Variants in TRAK1 observed in about 807,000 individuals in gnomAD.
TRAK1 encodes trafficking kinesin-binding protein 1.
TRAK1 carries 33 observed loss-of-function variants against 92.1 expected under a neutral mutation model. The observed-to-expected ratio is 0.36, with a 90% CI of 0.27 to 0.48. The LOEUF (loss-of-function observed/expected upper bound fraction) is 0.48, where lower values mean the gene tolerates loss of function less well. TRAK1 is among the 20% of genes least tolerant of loss of function. The pLI is 0.99. For missense variants in TRAK1, 1,123 were observed against 1,257.9 expected (o/e 0.89, Z 1.62); for synonymous variants, 521 against 517.3 (o/e 1.01, Z -0.10).
At chr3:42,222,901 A>C (rs3733053) in intron 15 of TRAK1, 41 bp from the exon 16 acceptor site, 4 of 1,582,096 alleles carry the variant, frequency 2.5e-6, no homozygotes, top group Non-Finnish European at 3.4e-6. Flanking sequence ...TCTGGAGCTC[A>C]TGGGCATTTC....
At chr3:42,159,421 A>G (rs1700990061) in intron 2 of TRAK1, among the ~76,000 whole-genome samples, 1 of 152,160 alleles carries the variant, frequency 6.6e-6, no homozygotes, top group African/African-American at 2.4e-5. Flanking sequence ...ACTGGGTTTG[A>G]TGGAAGAACC....
rs563665836 is a variant in TRAK1, at chr3:42,125,694, A to G, written c.286+80A>G. On this transcript the variant is annotated intron_variant, in intron 2 of 15. Transcript: ENST00000327628. ...GCCATGGCCCCAAATAAGATCTTGT[A>G]CTGGCTACCCTGTGATGTGGCTTGC... 37 of 1,502,394 alleles carry G rather than the reference A, an allele frequency of 2.5e-5. No homozygotes were observed. The East Asian group carries it at 7.7e-4, about 31-fold the overall frequency. 93.1% of individuals were successfully genotyped at this position (1,502,394 alleles called of 1,614,324 possible).
At chr3:42,178,711 T>C (rs1703560090) in intron 3 of TRAK1, among the ~76,000 whole-genome samples, 1 of 152,206 alleles carries the variant, frequency 6.6e-6, no homozygotes, top group African/African-American at 2.4e-5. Context: ...CAGTGTCTTA[T>C]GCCTATAAAT....
At chr3:42,081,727 C>T (rs1704448870) in intron 1 of TRAK1, among the ~76,000 whole-genome samples, 1 of 152,118 alleles carries the variant, frequency 6.6e-6, no homozygotes, top group Non-Finnish European at 1.5e-5. Context: ...AGAAAGGTGC[C>T]AGATTCTGAG....
At chr3:42,036,214 G>T (rs1196936703) in intron 1 of TRAK1, among the ~76,000 whole-genome samples, 1 of 152,186 alleles carries the variant, frequency 6.6e-6, no homozygotes, top group Non-Finnish European at 1.5e-5. Context: ...GCCTGAGCTT[G>T]TTGAGATCAT....
rs761194626 is a variant in TRAK1 at position 42,210,005 on chromosome 3, T to C, written c.1963+20T>C. The stretch of plus-strand genomic sequence containing the variant: ...CCTCAGGTGAGAGGTCCCAAGCACG[T>C]GTGACTGTCTCAGGCAGCAGAAGTT... On this transcript the variant is annotated intron_variant, in intron 14 of 15. Coordinates refer to ENST00000327628, the MANE Select transcript of TRAK1 (RefSeq NM_001042646.3). 3 of 1,613,944 alleles carry C rather than the reference T, an allele frequency of 1.9e-6. No homozygotes were observed. The highest frequency in any genetic ancestry group is 1.6e-4 in the Middle Eastern group (1 of 6,084).
intron 1 of TRAK1, among the ~76,000 whole-genome samples, chr3:42,019,911 A>G (rs1482011793): frequency 6.6e-6 from 1 of 152,224 alleles, no homozygotes; most frequent in African/African-American, 2.4e-5. Context: ...TCTGAGGACC[A>G]TTGGGAAATA....
intron 2 of TRAK1, among the ~76,000 whole-genome samples, chr3:42,158,398 C>G (rs1379177520): frequency 6.6e-6 from 1 of 152,106 alleles, no homozygotes; most frequent in East Asian, 1.9e-4. Flanking sequence ...TCAGAATAAC[C>G]ATTTGTGTCA....
At chr3:42,029,206 G>A (rs1431739808) in intron 1 of TRAK1, among the ~76,000 whole-genome samples, 2 of 152,142 alleles carry the variant, frequency 1.3e-5, no homozygotes, top group South Asian at 2.1e-4. Flanking sequence ...CTCCAGCATT[G>A]GGGATTACAA....
At chr3:42,014,192 G>A (rs1227544725) in intron 1 of TRAK1, 1 of 152,416 alleles carries the variant, frequency 6.6e-6, no homozygotes, top group Non-Finnish European at 1.5e-5. Flanking sequence ...GGGTGTTCTG[G>A]GAGTGTCCGC....
At chr3:42,062,963 C>G (rs1283143147) in intron 1 of TRAK1, among the ~76,000 whole-genome samples, 1 of 152,266 alleles carries the variant, frequency 6.6e-6, no homozygotes, top group East Asian at 1.9e-4. Context: ...TGACATTATC[C>G]CTGTTTTTGA....
intron 1 of TRAK1, among the ~76,000 whole-genome samples, chr3:42,026,057 T>C (rs1269846259): frequency 6.6e-6 from 1 of 152,178 alleles, no homozygotes; most frequent in African/African-American, 2.4e-5. Flanking sequence ...CCTCTGTCTC[T>C]TTCTTGCTTT....
chr3:42,208,305 T>C (rs887384361), intron 13 of TRAK1, among the ~76,000 whole-genome samples: 7 of 152,316 alleles, frequency 4.6e-5, no homozygotes, highest in Non-Finnish European at 8.8e-5. Flanking sequence ...GTATTGGCAG[T>C]GTGCACCTTT....
chr3:42,018,255 G>A (rs191774524), intron 1 of TRAK1, among the ~76,000 whole-genome samples: 3 of 98,038 alleles, frequency 3.1e-5, no homozygotes, highest in East Asian at 6.5e-4. Context: ...GTGACAGAGC[G>A]AGACCCCATC....
At chr3:42,037,627 A>G (rs891229376) in intron 1 of TRAK1, among the ~76,000 whole-genome samples, 1 of 152,250 alleles carries the variant, frequency 6.6e-6, no homozygotes, top group Non-Finnish European at 1.5e-5. Flanking sequence ...GATGACTAAC[A>G]TAAGAGCTTT....
intron 10 of TRAK1, among the ~76,000 whole-genome samples, chr3:42,196,539 C>CTT (rs35807078): frequency 0.058 from 7,833 of 135,390 alleles, 278 homozygotes; most frequent in Non-Finnish European, 0.073. Context: ...TTCTCTTCTT[C>CTT]TTTTTTTTTT....
chr3:42,112,752 A>AAAG (rs1553720683), intron 1 of TRAK1, among the ~76,000 whole-genome samples: 2,870 of 139,436 alleles, frequency 0.021, 114 homozygotes, highest in African/African-American at 0.051. Flanking sequence ...AAAAAAAAAA[A>AAAG]AAAACCAACT....
At chr3:42,101,358 C>T (rs1706725345) in intron 1 of TRAK1, among the ~76,000 whole-genome samples, 1 of 152,198 alleles carries the variant, frequency 6.6e-6, no homozygotes, top group African/African-American at 2.4e-5. Flanking sequence ...AGGAAGGATG[C>T]AGGAAGAATT....
Position 42,167,962 on chromosome 3 carries a change from C to G in TRAK1, c.287-8852C>G, listed in dbSNP as rs573118868. ...AGTTAATTCACTAGGACTATTTGGT[C>G]AAGTCTAAATTACTGAGGGTCAACA... On this transcript the variant is annotated intron_variant, in intron 2 of 15. Coordinates refer to ENST00000327628, the MANE Select transcript of TRAK1 (RefSeq NM_001042646.3). 1.4e-4 allele frequency among the ~76,000 whole-genome samples: 21 copies of G among 152,318 alleles called. No homozygotes were observed. The South Asian group carries it at 1.7e-3, about 12-fold the overall frequency.
Sources: allele counts gnomAD v4.1 joint callset (sites outside exome capture counted in the v4.1 genomes callset), GRCh38; gene constraint gnomAD v4.1.1; transcripts MANE v1.5; gene names NCBI Gene and HGNC (gene_info 2026-07-23, HGNC 2026-07-21).